IGFBP4: variants seen among roughly 807,000 people sequenced by gnomAD.
The protein encoded by IGFBP4 is insulin like growth factor binding protein 4, also known as insulin-like growth factor-binding protein 4.
In IGFBP4, 9 loss-of-function variants were observed where a neutral mutation model predicts 25.8. That is an observed-to-expected ratio of 0.35 (90% CI 0.21 to 0.61). The LOEUF is 0.61. Ranked by LOEUF, IGFBP4 falls within the 20% of genes least tolerant of loss-of-function variation. The pLI is 0.77. For synonymous variants in IGFBP4, 153 were observed against 153.9 expected (o/e 0.99, Z 0.05); for missense variants, 315 against 365.3 (o/e 0.86, Z 1.12).
rs1184917808 is a variant in IGFBP4, at chr17:40,443,701, AGCGCCCC to A, written c.-28_-22del. 1.1e-5 allele frequency: 14 copies of A among 1,264,354 alleles called. No individual in the cohort carries two copies. Among genetic ancestry groups the A allele is most frequent in the East Asian group, 6.6e-5 (2 of 30,134 alleles). 78.3% of individuals were successfully genotyped at this position (1,264,354 alleles called of 1,614,324 possible). A position where few individuals can be genotyped will look rare whatever the true frequency, so the allele number is the denominator to read the frequency against. ...GCGCCCGCGCTCCCCGCCTGCGCCC[AGCGCCCC>A]GCGCCCGCGCCCAGTCCTCGGGCGG... On this transcript the variant is annotated 5_prime_UTR_variant, in exon 1 of 4. Transcript: ENST00000269593.
At chr17:40,449,761 A>T (rs79182796) in intron 1 of IGFBP4, among the ~76,000 whole-genome samples, 1 of 151,706 alleles carries the variant, frequency 6.6e-6, no homozygotes, top group South Asian at 2.1e-4. Flanking sequence ...AAAAAAAAAA[A>T]AGGAGAGAGA....
At chr17:40,449,095 G>A (rs2035667218) in intron 1 of IGFBP4, among the ~76,000 whole-genome samples, 1 of 152,144 alleles carries the variant, frequency 6.6e-6, no homozygotes, top group Non-Finnish European at 1.5e-5. Flanking sequence ...GATGGCTAGT[G>A]GGGAACCTAA....
At chr17:40,454,709 T>A (rs762116260) in intron 3 of IGFBP4, among the ~76,000 whole-genome samples, 79 of 152,300 alleles carry the variant, frequency 5.2e-4, no homozygotes, top group Admixed American at 2.7e-3. Flanking sequence ...CTGACAAGCC[T>A]CCAGGAGGCT....
rs2143744302 is a variant in IGFBP4, at chr17:40,453,202, T to C, written c.507+60T>C. ...TAGACACACACACACACATGCCCCC[T>C]GCCCCCCACATGCACGCACCCACAC... On this transcript the variant is annotated intron_variant, in intron 2 of 3. Transcript: ENST00000269593. This position sits in a 1 kb window ranked among gnomAD's most constrained non-coding sequence, Gnocchi z 4.0. 1.6e-6 allele frequency: 2 copies of C among 1,236,452 alleles called. No individual in the cohort carries two copies. Among genetic ancestry groups the C allele is most frequent in the East Asian group, 2.9e-5 (1 of 34,000 alleles). 76.6% of individuals were successfully genotyped at this position (1,236,452 alleles called of 1,614,324 possible).
chr17:40,452,875 G>A, intron 1 of IGFBP4, 110 bp from the exon 2 acceptor site: 2 of 907,566 alleles, frequency 2.2e-6, no homozygotes, highest in Non-Finnish European at 3.2e-6. Context: ...CTCTTCTCCA[G>A]CGCCAAGCCG....
chr17:40,457,586 C>A lies in IGFBP4; in HGVS notation c.*1003C>A. 1 of 152,314 alleles carries A rather than the reference C, an allele frequency of 6.6e-6. No individual in the cohort carries two copies. The allele number at this position is 152,314 out of a possible 1,614,324, so 9.4% of individuals were successfully genotyped here. A position where few individuals can be genotyped will look rare whatever the true frequency, so the allele number is the denominator to read the frequency against. On this transcript the variant is annotated 3_prime_UTR_variant, in exon 4 of 4. Coordinates refer to ENST00000269593, the MANE Select transcript of IGFBP4 (RefSeq NM_001552.3). ...CCATATCTCCTTCCCCTACACCTCC[C>A]TCCCCACACCTCCCTACTCCCCTGG...
Position 40,443,790 on chromosome 17 carries a change from A to G in IGFBP4, c.55A>G (p.Ser19Gly). The part of the protein sequence containing the change: ...ALLLAAGPGP[S>G]LGDEAIHCPP... ...GCTGCTGGCCGCCGGGCCCGGGCCG[A>G]GCCTGGGCGACGAAGCCATCCACTG... The change falls in exon 1 of 4, where the codon AGC (serine) becomes GGC (glycine). Residue 19 changes from serine to glycine, a missense_variant. Physicochemically the swap from Ser to Gly is moderately conservative, Grantham distance 56 (BLOSUM62 0). Coordinates refer to ENST00000269593, the MANE Select transcript of IGFBP4 (RefSeq NM_001552.3). 1 of 1,521,990 alleles carries G rather than the reference A, an allele frequency of 6.6e-7. No individual in the cohort carries two copies. Among genetic ancestry groups the G allele is most frequent in the Non-Finnish European group, 8.7e-7 (1 of 1,142,888 alleles). The allele number at this position is 1,521,990 out of a possible 1,614,324, so 94.3% of individuals were successfully genotyped here.
At chr17:40,449,531 G>A (rs2035670233) in intron 1 of IGFBP4, among the ~76,000 whole-genome samples, 1 of 152,054 alleles carries the variant, frequency 6.6e-6, no homozygotes, top group Non-Finnish European at 1.5e-5. Flanking sequence ...GGTGGATCAC[G>A]AGGTCAGGAG....
At position 40,453,948 on chromosome 17, in the gene IGFBP4, C is replaced by T. The variant is rs35584955; in HGVS notation, c.528C>T (p.Ser176=). Residue 176 remains serine (S), a synonymous_variant, in exon 3 of 4, where the codon AGC becomes AGT. Coordinates refer to ENST00000269593, the MANE Select transcript of IGFBP4 (RefSeq NM_001552.3). The surrounding 1 kb of genome is among the most constrained non-coding windows in gnomAD (Gnocchi z 4.0). The stretch of plus-strand genomic sequence containing the variant: ...TCCAGCCCCAGGGCTCCTGCCAGAG[C>T]GAGCTGCACCGGGCGCTGGAGCGGC... ...ARPVPQGSCQ[S]ELHRALERLA... The T allele has an allele frequency of 1.3e-3, 2,045 of 1,609,276 alleles. 1 individual carries two copies. Among genetic ancestry groups the T allele is most frequent in the Non-Finnish European group, 1.6e-3 (1,929 of 1,178,142 alleles).
chr17:40,445,295 A>G (rs1026332026), intron 1 of IGFBP4, among the ~76,000 whole-genome samples: 13 of 151,194 alleles, frequency 8.6e-5, no homozygotes, highest in Admixed American at 2.0e-4. Flanking sequence ...TACTTTGGGA[A>G]TCTCTCTGTC....
intron 1 of IGFBP4, among the ~76,000 whole-genome samples, chr17:40,449,690 A>C (rs1192802848): frequency 6.6e-6 from 1 of 151,636 alleles, no homozygotes; most frequent in Non-Finnish European, 1.5e-5. Flanking sequence ...TGGAGCTTGC[A>C]TTGAGCCGAG....
In IGFBP4 at chr17:40,453,999, C is replaced by T. The variant is rs781026508; in HGVS notation, c.579C>T (p.His193=). Reference sequence around the variant, plus strand: ...TGGCCGCTTCACAGAGCCGCACCCACGAGGACCTCTACATCATCCCCATCC... The same window carrying T: ...TGGCCGCTTCACAGAGCCGCACCCATGAGGACCTCTACATCATCCCCATCC... ...ERLAASQSRT[H]EDLYIIPIPN... is the part of the protein sequence containing the mutation. Residue 193 remains histidine (H), a synonymous_variant, in exon 3 of 4, where the codon CAC becomes CAT. Transcript: ENST00000269593. This position sits in a 1 kb window ranked among gnomAD's most constrained non-coding sequence, Gnocchi z 4.0. 8.7e-6 allele frequency: 14 copies of T among 1,613,712 alleles called. No individual in the cohort carries two copies. Among genetic ancestry groups the T allele is most frequent in the East Asian group, 4.5e-5 (2 of 44,826 alleles).
At chr17:40,447,290 A>G (rs1325070741) in intron 1 of IGFBP4, among the ~76,000 whole-genome samples, 1 of 152,196 alleles carries the variant, frequency 6.6e-6, no homozygotes, top group East Asian at 1.9e-4. Flanking sequence ...CACTGAGGCC[A>G]CCAGAGATGA....
At chr17:40,447,234 C>T (rs931070463) in intron 1 of IGFBP4, among the ~76,000 whole-genome samples, 1 of 152,228 alleles carries the variant, frequency 6.6e-6, no homozygotes, top group Admixed American at 6.5e-5. Context: ...CCTGCCTGCC[C>T]TCCTGTCACA....
chr17:40,457,233 T>A lies in IGFBP4; in HGVS notation c.*650T>A, dbSNP rs1266455614. ...ACTTGCCAGGCTCCCTTTCTCTTCT[T>A]CCCCAGGTCCTTCCTTTAGGTCTGG... On this transcript the variant is annotated 3_prime_UTR_variant, in exon 4 of 4. Coordinates refer to ENST00000269593, the MANE Select transcript of IGFBP4 (RefSeq NM_001552.3). 3.3e-5 allele frequency: 5 copies of A among 152,308 alleles called. No homozygotes were observed. Among genetic ancestry groups the A allele is most frequent in the Non-Finnish European group, 2.9e-5 (2 of 68,094 alleles). The allele number at this position is 152,308 out of a possible 1,614,324, so 9.4% of individuals were successfully genotyped here. A position where few individuals can be genotyped will look rare whatever the true frequency, so the allele number is the denominator to read the frequency against.
chr17:40,443,577 C>A lies in IGFBP4; in HGVS notation c.-159C>A. The stretch of plus-strand genomic sequence containing the variant: ...CTGCTAACTTCCCCCGCTACGTCCC[C>A]GTTCGCCCGCCGGGCCGCCCCGTCT... On this transcript the variant is annotated 5_prime_UTR_variant, in exon 1 of 4. Coordinates refer to ENST00000269593, the MANE Select transcript of IGFBP4 (RefSeq NM_001552.3). 1 of 187,690 alleles carries A rather than the reference C, an allele frequency of 5.3e-6. No individual in the cohort carries two copies. The allele number at this position is 187,690 out of a possible 1,614,324, so 11.6% of individuals were successfully genotyped here. A position where few individuals can be genotyped will look rare whatever the true frequency, so the allele number is the denominator to read the frequency against.
chr17:40,451,478 C>G (rs1344779106), intron 1 of IGFBP4, among the ~76,000 whole-genome samples: 2 of 151,798 alleles, frequency 1.3e-5, no homozygotes, highest in South Asian at 4.2e-4. Context: ...GAGAACCAAC[C>G]CCCCCAGCTT....
chr17:40,455,934 A>C (rs1329437105), intron 3 of IGFBP4, among the ~76,000 whole-genome samples: 3 of 152,116 alleles, frequency 2.0e-5, no homozygotes, highest in African/African-American at 7.2e-5. Flanking sequence ...TTTGACCCAA[A>C]ATTTAGCTTA....
Position 40,443,909 on chromosome 17 carries a change from T to A in IGFBP4, c.174T>A (p.Thr58=). 1 of 1,530,744 alleles carries A rather than the reference T, an allele frequency of 6.5e-7. No individual in the cohort carries two copies. Among genetic ancestry groups the A allele is most frequent in the Non-Finnish European group, 8.7e-7 (1 of 1,144,098 alleles). 94.8% of individuals were successfully genotyped at this position (1,530,744 alleles called of 1,614,324 possible). ...VREPGCGCCA[T]CALGLGMPCG... ...AGCCGGGCTGCGGCTGTTGCGCCACTTGCGCCCTGGGCTTGGGGATGCCCT... is the reference window on the plus strand; with the variant it reads ...AGCCGGGCTGCGGCTGTTGCGCCACATGCGCCCTGGGCTTGGGGATGCCCT... The change falls in exon 1 of 4, where the codon ACT becomes ACA. Residue 58 remains threonine, a synonymous_variant. Transcript: ENST00000269593.
Sources: gnomAD v4.1 joint callset for allele counts (sites outside exome capture counted in the v4.1 genomes callset) on GRCh38, gnomAD v4.1.1 for gene constraint, Gnocchi (gnomAD v3.1) non-coding constraint, MANE v1.5 for transcripts, NCBI Gene and HGNC (gene_info 2026-07-23, HGNC 2026-07-21) for gene names.